SYNPO2: variants seen among roughly 807,000 people sequenced by gnomAD.
SYNPO2 encodes the protein synaptopodin 2, also known as synaptopodin-2.
SYNPO2 carries 56 observed loss-of-function variants against 85.0 expected under a neutral mutation model. The observed-to-expected ratio is 0.66, with a 90% CI of 0.53 to 0.82. The LOEUF (loss-of-function observed/expected upper bound fraction) is 0.82. Ranked by LOEUF, SYNPO2 falls within the 40% of genes least tolerant of loss-of-function variation. The pLI is 0.00. For synonymous variants in SYNPO2, 602 were observed against 591.1 expected, an observed-to-expected ratio of 1.02 and a Z score of -0.27; for missense variants, 1,575 against 1,534.2, an observed-to-expected ratio of 1.03 and a Z score of -0.44.
chr4:118,972,109 A>AT (rs1272828242), intron 1 of SYNPO2, among the ~76,000 whole-genome samples: 3 of 152,294 alleles, frequency 2.0e-5, no homozygotes, highest in Non-Finnish European at 2.9e-5. Flanking sequence ...AGAACATAAA[A>AT]GAAAGAGAGG....
rs545038364 is a variant in SYNPO2 at position 118,996,886 on chromosome 4, G to C, written c.106-26544G>C. ...AAAAAAAAAAAAGTGTCATAAGACA[G>C]AGCAATCAATAAATGTCCATTTGCA... On this transcript the variant is annotated intron_variant, in intron 1 of 4. Coordinates refer to ENST00000307142, the MANE Select transcript of SYNPO2 (RefSeq NM_133477.3). Among the ~76,000 whole-genome samples the C allele has an allele frequency of 3.7e-3, 551 of 147,748 alleles. 4 individuals carry two copies. The highest frequency in any genetic ancestry group is 5.8e-3 in the Non-Finnish European group (386 of 66,984).
rs3051210 is a variant in SYNPO2, at chr4:118,905,443, C to CGTGTGT, written c.105+16315_105+16320dup. Among the ~76,000 whole-genome samples, 996 of 150,220 alleles carry CGTGTGT rather than the reference C, an allele frequency of 6.6e-3. 9 individuals carry two copies. Among genetic ancestry groups the CGTGTGT allele is most frequent in the Middle Eastern group, 0.024 (7 of 292 alleles). Reference sequence around the variant, plus strand: ...AAGTGGTACCTGATGTGTGTGTGTGCGTGTGTGTGTGTGTGTGTCTGTGAG... The same window carrying CGTGTGT: ...AAGTGGTACCTGATGTGTGTGTGTGCGTGTGTGTGTGTGTGTGTGTGTGTCTGTGAG... On this transcript the variant is annotated intron_variant, in intron 1 of 4. Transcript: ENST00000307142.
intron 1 of SYNPO2, among the ~76,000 whole-genome samples, chr4:118,921,937 T>A (rs941175091): frequency 6.6e-6 from 1 of 152,186 alleles, no homozygotes; most frequent in Non-Finnish European, 1.5e-5. Context: ...CTCATCTCAG[T>A]GTTTTTATAA....
At chr4:118,965,414 T>A (rs1735276076) in intron 1 of SYNPO2, among the ~76,000 whole-genome samples, 1 of 152,136 alleles carries the variant, frequency 6.6e-6, no homozygotes, top group Non-Finnish European at 1.5e-5. Context: ...CTACCCTCCT[T>A]CAAGCTCCAG....
intron 1 of SYNPO2, among the ~76,000 whole-genome samples, chr4:118,876,600 C>T (rs990012543): frequency 9.3e-5 from 14 of 149,944 alleles, no homozygotes; most frequent in Admixed American, 1.3e-4. Context: ...ACTTTTCCTT[C>T]CCTCCCTCCC....
At chr4:118,920,820 C>A (rs931297948) in intron 1 of SYNPO2, among the ~76,000 whole-genome samples, 1 of 151,768 alleles carries the variant, frequency 6.6e-6, no homozygotes, top group African/African-American at 2.4e-5. Flanking sequence ...AGTAGGTGGG[C>A]AAACTGGCCA....
intron 2 of SYNPO2, among the ~76,000 whole-genome samples, chr4:119,025,082 G>A (rs1028015708): frequency 9.2e-5 from 14 of 152,142 alleles, no homozygotes; most frequent in African/African-American, 3.4e-4. Context: ...ATTCGCTCAT[G>A]CTTTTATGAT....
At chr4:119,048,801 G>A (rs1738951098) in intron 4 of SYNPO2, among the ~76,000 whole-genome samples, 2 of 152,204 alleles carry the variant, frequency 1.3e-5, no homozygotes, top group African/African-American at 2.4e-5. Context: ...GATGAAGTCA[G>A]ATAATGCAAG....
At chr4:119,035,051 A>T in intron 4 of SYNPO2, 1 of 985,508 alleles carries the variant, frequency 1.0e-6, no homozygotes, top group Non-Finnish European at 1.2e-6. Flanking sequence ...CTCAAGAGCG[A>T]CAATCATTTA....
intron 1 of SYNPO2, among the ~76,000 whole-genome samples, chr4:119,016,685 G>C (rs1028319204): frequency 6.6e-6 from 1 of 152,208 alleles, no homozygotes; most frequent in Non-Finnish European, 1.5e-5. Context: ...GCTAGGCTCT[G>C]CTCTATCAGT....
chr4:118,874,821 G>A (rs1203645031), intron 1 of SYNPO2, among the ~76,000 whole-genome samples: 2 of 152,084 alleles, frequency 1.3e-5, no homozygotes, highest in African/African-American at 4.8e-5. Flanking sequence ...AACACACAAT[G>A]CTGCAAAAAT....
chr4:119,020,108 C>G (rs1469372389), intron 1 of SYNPO2, among the ~76,000 whole-genome samples: 1 of 152,030 alleles, frequency 6.6e-6, no homozygotes, highest in African/African-American at 2.4e-5. Context: ...CTTCTTGATA[C>G]TACTATAAGA....
At chr4:118,915,251 C>T (rs1373924599) in intron 1 of SYNPO2, among the ~76,000 whole-genome samples, 1 of 152,018 alleles carries the variant, frequency 6.6e-6, no homozygotes, top group Non-Finnish European at 1.5e-5. Context: ...TAAGATAATA[C>T]CTGATGTCTG....
Position 118,938,275 on chromosome 4 carries a change from G to A in SYNPO2, c.105+49134G>A, listed in dbSNP as rs1394841165. ...TGGAGGTTGGCAGTGAGCTGAGATCGCCCCACTGTACTCCAGTCTGGCTGA... is the reference window on the plus strand; with the variant it reads ...TGGAGGTTGGCAGTGAGCTGAGATCACCCCACTGTACTCCAGTCTGGCTGA... On this transcript the variant is annotated intron_variant, in intron 1 of 4. Transcript: ENST00000307142. 5.3e-5 allele frequency among the ~76,000 whole-genome samples: 8 copies of A among 152,080 alleles called. No homozygotes were observed. The East Asian group carries it at 9.6e-4, about 18-fold the overall frequency.
In SYNPO2 at chr4:119,057,438, T is replaced by C. The variant is rs545663617; in HGVS notation, c.3290T>C (p.Val1097Ala). 4 of 1,612,760 alleles carry C rather than the reference T, an allele frequency of 2.5e-6. No homozygotes were observed. In the East Asian group the frequency reaches 8.9e-5, roughly 36 times the overall value. ...TCCCTTTCTCTTCCTGGAAGATCAG[T>C]CCCACCCCCCATTTCTACATCTCCT... is the stretch of plus-strand genomic sequence containing the variant. ...GRSLSLPGRS[V>A]PPPISTSPWV... is the part of the protein sequence containing the mutation. The change falls in exon 5 of 5, where the codon GTC becomes GCC. Residue 1097 changes from valine (V) to alanine (A), a missense_variant. Transcript: ENST00000307142.
At chr4:119,019,941 T>C (rs1313444129) in intron 1 of SYNPO2, among the ~76,000 whole-genome samples, 1 of 152,202 alleles carries the variant, frequency 6.6e-6, no homozygotes, top group Non-Finnish European at 1.5e-5. Flanking sequence ...CTAAATTTAG[T>C]TTTGTGATGC....
chr4:118,958,828 T>C (rs1333986430), intron 1 of SYNPO2, among the ~76,000 whole-genome samples: 1 of 152,170 alleles, frequency 6.6e-6, no homozygotes, highest in Non-Finnish European at 1.5e-5. Context: ...ATTTTGAGCG[T>C]TAAGTTCTAT....
intron 1 of SYNPO2, among the ~76,000 whole-genome samples, chr4:118,955,972 G>T (rs1418055583): frequency 2.0e-5 from 3 of 152,124 alleles, no homozygotes; most frequent in Non-Finnish European, 4.4e-5. Flanking sequence ...ATAAATAAAA[G>T]GAAGGCATCA....
intron 4 of SYNPO2, among the ~76,000 whole-genome samples, chr4:119,040,587 C>T (rs193261517): frequency 3.5e-4 from 53 of 152,294 alleles, no homozygotes; most frequent in Non-Finnish European, 3.2e-4. Flanking sequence ...ACACTGTTTT[C>T]AGTTCAAAGT....
Sources: allele counts gnomAD v4.1 joint callset (sites outside exome capture counted in the v4.1 genomes callset), GRCh38; gene constraint gnomAD v4.1.1; transcripts MANE v1.5; gene names NCBI Gene and HGNC (gene_info 2026-07-23, HGNC 2026-07-21).